Variants in TACC2 observed in about 807,000 individuals in gnomAD.
TACC2 encodes transforming acidic coiled-coil containing protein 2.
Under a neutral mutation model 227.3 loss-of-function variants are expected in TACC2, and 137 were observed. The observed-to-expected ratio is 0.60, with a 90% CI of 0.52 to 0.69. The LOEUF (loss-of-function observed/expected upper bound fraction) is 0.69. Ranked by LOEUF, TACC2 falls within the 30% of genes least tolerant of loss-of-function variation. TACC2 has a pLI of 0.00. For synonymous variants in TACC2, 1,523 were observed against 1,487.5 expected (o/e 1.02, Z -0.55); for missense variants, 3,470 against 3,694.4 (o/e 0.94, Z 1.57).
chr10:122,245,923 C>T (rs926799004), intron 19 of TACC2, among the ~76,000 whole-genome samples: 6 of 152,162 alleles, frequency 3.9e-5, no homozygotes, highest in Admixed American at 1.3e-4. Flanking sequence ...AGTGAGAGCT[C>T]GAACTCAGGC....
chr10:122,096,851 T>C (rs914682102), intron 5 of TACC2, among the ~76,000 whole-genome samples: 2 of 152,204 alleles, frequency 1.3e-5, no homozygotes, highest in Admixed American at 1.3e-4. Flanking sequence ...CAGCCCCTTC[T>C]TTCTTCTCTG....
rs937216763 is a variant in TACC2, at chr10:122,150,354, A to C, written c.5834+6648A>C. Among the ~76,000 whole-genome samples the C allele has an allele frequency of 6.6e-6, 1 of 152,190 alleles. No individual in the cohort carries two copies. The highest frequency in any genetic ancestry group is 1.5e-5 in the Non-Finnish European group (1 of 68,020). On this transcript the variant is annotated intron_variant, in intron 7 of 22. Transcript: ENST00000369005. The surrounding 1 kb of genome is among the most constrained non-coding windows in gnomAD (Gnocchi z 4.0). Reference sequence around the variant, plus strand: ...GCTCAGCACAGCACTGGTGGGTGGAAGGTTCCAGGGCAGTGTGGGGGCCCT... The same window carrying C: ...GCTCAGCACAGCACTGGTGGGTGGACGGTTCCAGGGCAGTGTGGGGGCCCT...
chr10:122,088,829 TAA>T (rs2080382801), intron 5 of TACC2: 1 of 1,367,208 alleles, frequency 7.3e-7, no homozygotes, highest in South Asian at 1.4e-5. Context: ...ACCTTAAATT[TAA>T]AAAGTCAGTC....
intron 3 of TACC2, among the ~76,000 whole-genome samples, chr10:122,066,527 G>A (rs555240767): frequency 1.5e-4 from 23 of 152,068 alleles, no homozygotes; most frequent in African/African-American, 2.9e-4. Flanking sequence ...TTGGCCTCCC[G>A]AAGTGCTGGG....
intron 8 of TACC2, among the ~76,000 whole-genome samples, chr10:122,197,308 T>C (rs1323516708): frequency 2.0e-5 from 3 of 152,230 alleles, no homozygotes; most frequent in South Asian, 2.1e-4. Context: ...TAGCATGTTA[T>C]AGGGCATGTA....
intron 20 of TACC2, 112 bp from the exon 21 acceptor site, chr10:122,248,938 C>A: frequency 6.7e-7 from 1 of 1,483,366 alleles, no homozygotes; most frequent in Non-Finnish European, 9.3e-7. Flanking sequence ...GCTGGGGAGG[C>A]AGACTTGGCC....
chr10:122,008,266 T>TATTATTTTATTA (rs1554958022), intron 1 of TACC2, among the ~76,000 whole-genome samples: 1 of 139,792 alleles, frequency 7.2e-6, no homozygotes, highest in Admixed American at 7.1e-5. Context: ...TTATTATTAT[T>TATTATTTTATTA]TTTTTTTTTT....
chr10:122,086,015 C>A lies in TACC2; in HGVS notation c.3515C>A (p.Ala1172Asp). 2 of 1,613,926 alleles carry A rather than the reference C, an allele frequency of 1.2e-6. No homozygotes were observed. The highest frequency in any genetic ancestry group is 1.7e-6 in the Non-Finnish European group (2 of 1,180,012). ...CACTGCCTTACCTCCGGGGAGGAAGCTTCTACCTCTGCCCTACGTGAGTCC... is the reference window on the plus strand; with the variant it reads ...CACTGCCTTACCTCCGGGGAGGAAGATTCTACCTCTGCCCTACGTGAGTCC... The part of the protein sequence containing the change: ...TEHCLTSGEE[A>D]STSALRESCQ... The change falls in exon 4 of 23, where the codon GCT becomes GAT. Residue 1172 changes from alanine (A) to aspartate (D), a missense_variant. Physicochemically the swap from Ala to Asp is moderately radical, Grantham distance 126. Coordinates refer to ENST00000369005, the MANE Select transcript of TACC2 (RefSeq NM_206862.4).
chr10:122,246,171 C>T (rs1453274276), intron 19 of TACC2, among the ~76,000 whole-genome samples: 1 of 152,194 alleles, frequency 6.6e-6, no homozygotes, highest in Admixed American at 6.5e-5. Flanking sequence ...TCTGCCCCAC[C>T]CCAGACCTCC....
intron 3 of TACC2, among the ~76,000 whole-genome samples, chr10:122,053,313 T>C (rs2136245897): frequency 6.6e-6 from 1 of 152,010 alleles, no homozygotes; most frequent in East Asian, 1.9e-4. Flanking sequence ...AACCATCAGA[T>C]CTCGTGAGAC....
intron 11 of TACC2, among the ~76,000 whole-genome samples, chr10:122,221,539 C>T (rs80356051): frequency 0.021 from 3,168 of 152,238 alleles, 70 homozygotes; most frequent in African/African-American, 0.052. Flanking sequence ...TGTTCTTTAA[C>T]GGCAGGCGCC....
intron 7 of TACC2, among the ~76,000 whole-genome samples, chr10:122,144,054 C>T (rs867904343): frequency 6.6e-6 from 1 of 152,092 alleles, no homozygotes; most frequent in African/African-American, 2.4e-5. Flanking sequence ...GGGATTGGCT[C>T]ATGTGATTGT....
rs750732161 is a variant in TACC2, at chr10:122,086,139, C to A, written c.3639C>A (p.His1213Gln). 3.7e-6 allele frequency: 6 copies of A among 1,613,444 alleles called. 1 individual carries two copies. Among genetic ancestry groups the A allele is most frequent in the Non-Finnish European group, 5.1e-6 (6 of 1,179,976 alleles). Reference protein sequence around the residue: ...IPRSTMDFSTHQAVPDPKELL... With the variant: ...IPRSTMDFSTQQAVPDPKELL... ...GGAGCACCATGGATTTTTCTACACACCAGGCTGTCCCAGACCCAAAGGAGC... is the reference window on the plus strand; with the variant it reads ...GGAGCACCATGGATTTTTCTACACAACAGGCTGTCCCAGACCCAAAGGAGC... Residue 1213 changes from histidine to glutamine, a missense_variant, in exon 4 of 23, where the codon CAC becomes CAA. Coordinates refer to ENST00000369005, the MANE Select transcript of TACC2 (RefSeq NM_206862.4).
In TACC2 at chr10:122,082,950, C is replaced by A. The variant is rs770318243; in HGVS notation, c.450C>A (p.Ile150=). 6.2e-7 allele frequency: 1 copy of A among 1,612,994 alleles called. No individual in the cohort carries two copies. Among genetic ancestry groups the A allele is most frequent in the Non-Finnish European group, 8.5e-7 (1 of 1,180,016 alleles). The stretch of plus-strand genomic sequence containing the variant: ...CTGCCCCAAATGCCCCAGGAGACAT[C>A]GCGGCGGCATTTCCCGCTGAGAGGG... ...REPAPNAPGD[I]AAAFPAERDS... is the part of the protein sequence containing the mutation. Residue 150 remains isoleucine (I), a synonymous_variant, in exon 4 of 23, where the codon ATC becomes ATA. Coordinates refer to ENST00000369005, the MANE Select transcript of TACC2 (RefSeq NM_206862.4).
intron 1 of TACC2, among the ~76,000 whole-genome samples, chr10:122,008,190 TC>T (rs1955435549): frequency 6.6e-6 from 1 of 151,572 alleles, no homozygotes; most frequent in African/African-American, 2.4e-5. Context: ...GCCTTTTTTT[TC>T]CCCCTAGAAG....
At chr10:122,130,163 T>G (rs140118655) in intron 5 of TACC2, among the ~76,000 whole-genome samples, 1 of 152,066 alleles carries the variant, frequency 6.6e-6, no homozygotes. Flanking sequence ...GCACAGCTAA[T>G]TTTTGTATTT....
rs1304184250 is a variant in TACC2 at position 122,085,357 on chromosome 10, T to C, written c.2857T>C (p.Cys953Arg). Residue 953 changes from cysteine to arginine, a missense_variant, in exon 4 of 23, where the codon TGC (cysteine) becomes CGC (arginine). Transcript: ENST00000369005. ...ALGEKRPEGA[C>R]GDGQSSRVSP... The stretch of plus-strand genomic sequence containing the variant: ...AGGGGAGAAGCGGCCAGAGGGAGCA[T>C]GCGGTGATGGTCAGTCCTCGAGGGT... 8.7e-6 allele frequency: 14 copies of C among 1,613,616 alleles called. No individual in the cohort carries two copies. Among genetic ancestry groups the C allele is most frequent in the African/African-American group, 1.3e-5 (1 of 74,786 alleles).
chr10:122,123,437 C>A (rs141276860), intron 5 of TACC2, among the ~76,000 whole-genome samples: 18 of 152,304 alleles, frequency 1.2e-4, no homozygotes, highest in African/African-American at 4.3e-4. Context: ...CTAAAAAGCA[C>A]AATGTGCTTA....
rs753733864 is a variant in TACC2, at chr10:122,143,642, C to G, written c.5770C>G (p.Pro1924Ala). The G allele has an allele frequency of 6.2e-7, 1 of 1,614,188 alleles. No homozygotes were observed. Among genetic ancestry groups the G allele is most frequent in the Non-Finnish European group, 8.5e-7 (1 of 1,180,014 alleles). Residue 1924 changes from proline (P) to alanine (A), a missense_variant, in exon 7 of 23, where the codon CCA (proline) becomes GCA (alanine). Transcript: ENST00000369005. ...AGAACACATAGTTTCGCCATCTGCC[C>G]CAGCTGGTGACAGAGTAGAAGCTTC... ...AAEHIVSPSA[P>A]AGDRVEASTP...
Sources: allele counts gnomAD v4.1 joint callset (sites outside exome capture counted in the v4.1 genomes callset), GRCh38; gene constraint gnomAD v4.1.1; non-coding constraint Gnocchi (gnomAD v3.1); transcripts MANE v1.5; gene names NCBI Gene and HGNC (gene_info 2026-07-23, HGNC 2026-07-21).